PIP4K2B: variants seen among roughly 807,000 people sequenced by gnomAD.
PIP4K2B encodes phosphatidylinositol-5-phosphate 4-kinase type 2 beta, also known as phosphatidylinositol 5-phosphate 4-kinase type-2 beta.
PIP4K2B carries 3 observed loss-of-function variants against 42.0 expected under a neutral mutation model. That is an observed-to-expected ratio of 0.07 (90% CI 0.03 to 0.18). The LOEUF (loss-of-function observed/expected upper bound fraction) is 0.18. PIP4K2B is among the 10% of genes least tolerant of loss of function. The pLI, the probability that PIP4K2B is intolerant of heterozygous loss-of-function variation, is 1.00. For synonymous variants in PIP4K2B, 204 were observed against 210.1 expected, an observed-to-expected ratio of 0.97 and a Z score of 0.25; for missense variants, 332 against 562.3, an observed-to-expected ratio of 0.59 and a Z score of 4.14.
At chr17:38,780,431 C>T in intron 4 of PIP4K2B, 21 bp downstream of exon 4, 1 of 1,588,442 alleles carries the variant, frequency 6.3e-7, no homozygotes, top group Non-Finnish European at 8.6e-7. Context: ...CTCTGCAGCC[C>T]AGGCTTGGGA....
In PIP4K2B at chr17:38,786,828, G is replaced by A; in HGVS notation, c.252C>T (p.Phe84=). ...YSKIKVDNHL[F]NKENLPSRFK... is the part of the protein sequence containing the mutation. ...CCACTCAGTAGACAACTTACTTATTGAAGAGATGATTGTCCACCTTGATCT... is the reference window on the plus strand; with the variant it reads ...CCACTCAGTAGACAACTTACTTATTAAAGAGATGATTGTCCACCTTGATCT... The change falls in exon 2 of 10, where the codon TTC becomes TTT. Residue 84 remains phenylalanine (F), a synonymous_variant. Coordinates refer to ENST00000619039, the MANE Select transcript of PIP4K2B (RefSeq NM_003559.5). The A allele has an allele frequency of 1.3e-6, 2 of 1,599,548 alleles. No individual in the cohort carries two copies. Among genetic ancestry groups the A allele is most frequent in the Non-Finnish European group, 1.7e-6 (2 of 1,166,736 alleles).
At chr17:38,784,204 C>T (rs369873641) in intron 3 of PIP4K2B, 39 bp downstream of exon 3, 6 of 1,239,684 alleles carry the variant, frequency 4.8e-6, no homozygotes, top group Non-Finnish European at 7.1e-6. Flanking sequence ...GACCCCATTC[C>T]ATTCCCTAAT....
intron 3 of PIP4K2B, among the ~76,000 whole-genome samples, chr17:38,781,997 A>C (rs1446114213): frequency 1.3e-5 from 2 of 152,108 alleles, no homozygotes; most frequent in African/African-American, 4.8e-5. Context: ...CCTACTCTTT[A>C]CTTTCCCCTA....
intron 4 of PIP4K2B, chr17:38,779,888 G>A (rs921077745): frequency 1.6e-5 from 4 of 245,268 alleles, no homozygotes; most frequent in South Asian, 1.1e-4. Flanking sequence ...TGGGAATGCC[G>A]CAGGGAAGAG....
chr17:38,781,162 A>T (rs778518945), intron 3 of PIP4K2B, among the ~76,000 whole-genome samples: 1 of 151,846 alleles, frequency 6.6e-6, no homozygotes, highest in African/African-American at 2.4e-5. Flanking sequence ...ACCTTCCCCA[A>T]AGCAGGAAGC....
chr17:38,790,089 A>G (rs1039655778), intron 1 of PIP4K2B, among the ~76,000 whole-genome samples: 9 of 152,306 alleles, frequency 5.9e-5, no homozygotes, highest in African/African-American at 2.2e-4. Flanking sequence ...AAATACGCAC[A>G]CTTAATATAC....
rs1425051755 is a variant in PIP4K2B, at chr17:38,766,070, G to GA, written c.*3620dup. The GA allele has an allele frequency of 6.6e-6, 1 of 152,586 alleles. No individual in the cohort carries two copies. The highest frequency in any genetic ancestry group is 1.5e-5 in the Non-Finnish European group (1 of 68,060). 9.5% of individuals were successfully genotyped at this position (152,586 alleles called of 1,614,324 possible). A position where few individuals can be genotyped will look rare whatever the true frequency, so the allele number is the denominator to read the frequency against. ...GCTCCTGTGGAAACTTCTGCCCTGGGATACTGGCACAAGCTGCCAAGGGAC... is the reference window on the plus strand; with the variant it reads ...GCTCCTGTGGAAACTTCTGCCCTGGGAATACTGGCACAAGCTGCCAAGGGAC... On this transcript the variant is annotated 3_prime_UTR_variant, in exon 10 of 10. Transcript: ENST00000619039.
At chr17:38,775,174 C>T (rs1349765659) in intron 7 of PIP4K2B, among the ~76,000 whole-genome samples, 3 of 152,064 alleles carry the variant, frequency 2.0e-5, no homozygotes, top group Admixed American at 6.6e-5. Context: ...AGGATGGTCT[C>T]GATCTCCTGA....
chr17:38,797,969 C>T (rs759117483), intron 1 of PIP4K2B, among the ~76,000 whole-genome samples: 3 of 152,054 alleles, frequency 2.0e-5, no homozygotes, highest in Non-Finnish European at 2.9e-5. Context: ...AGTAACCTGC[C>T]CAAGACCAAG....
intron 1 of PIP4K2B, among the ~76,000 whole-genome samples, chr17:38,789,630 CT>C (rs1910238430): frequency 6.6e-6 from 1 of 152,074 alleles, no homozygotes; most frequent in African/African-American, 2.4e-5. Flanking sequence ...TGTTACAAAC[CT>C]TTTTTATTTA....
intron 1 of PIP4K2B, among the ~76,000 whole-genome samples, chr17:38,798,583 A>G (rs1910772521): frequency 6.6e-6 from 1 of 152,210 alleles, no homozygotes; most frequent in Non-Finnish European, 1.5e-5. Flanking sequence ...TATTTCTACT[A>G]TGAATAGTCC....
At chr17:38,770,624 C>T in intron 8 of PIP4K2B, 85 bp from the exon 9 acceptor site, 1 of 784,838 alleles carries the variant, frequency 1.3e-6, no homozygotes, top group Non-Finnish European at 2.3e-6. Flanking sequence ...AACCCCCAGA[C>T]ACAAGGCTCA....
intron 7 of PIP4K2B, 71 bp downstream of exon 7, chr17:38,777,616 T>C: frequency 1.0e-6 from 1 of 996,286 alleles, no homozygotes; most frequent in African/African-American, 1.6e-5. Flanking sequence ...TCCATTCTTC[T>C]TAAGGTTTAA....
chr17:38,770,802 G>A (rs620110), intron 8 of PIP4K2B, among the ~76,000 whole-genome samples: 22,734 of 151,988 alleles, frequency 0.15, 1,905 homozygotes, highest in East Asian at 0.26. Context: ...TCTTCAGTCA[G>A]CCAGGACAAG....
intron 7 of PIP4K2B, among the ~76,000 whole-genome samples, chr17:38,774,334 C>T (rs112462922): frequency 2.6e-5 from 4 of 152,280 alleles, no homozygotes; most frequent in African/African-American, 4.8e-5. Flanking sequence ...GGTGACCCTC[C>T]GGTGAGGAAG....
At chr17:38,786,356 G>A (rs1213716864) in intron 2 of PIP4K2B, among the ~76,000 whole-genome samples, 1 of 152,220 alleles carries the variant, frequency 6.6e-6, no homozygotes, top group Non-Finnish European at 1.5e-5. Context: ...AAAATGGGAA[G>A]TGCTACTCTG....
At chr17:38,779,800 T>C (rs1021346386) in intron 4 of PIP4K2B, 4 of 415,342 alleles carry the variant, frequency 9.6e-6, no homozygotes, top group African/African-American at 7.9e-5. Flanking sequence ...GTATCTCACC[T>C]AAGATTTTGT....
intron 6 of PIP4K2B, among the ~76,000 whole-genome samples, chr17:38,778,016 A>G (rs557345576): frequency 2.0e-4 from 30 of 152,184 alleles, no homozygotes; most frequent in South Asian, 8.3e-4. Context: ...TGACTAAAGG[A>G]TTCTTTCCTG....
chr17:38,785,497 T>C (rs1877895195), intron 2 of PIP4K2B, among the ~76,000 whole-genome samples: 1 of 152,070 alleles, frequency 6.6e-6, no homozygotes, highest in South Asian at 2.1e-4. Context: ...GCCAACATGG[T>C]GAAACCCCAT....
Sources: allele counts gnomAD v4.1 joint callset (sites outside exome capture counted in the v4.1 genomes callset), GRCh38; gene constraint gnomAD v4.1.1; transcripts MANE v1.5; gene names NCBI Gene and HGNC (gene_info 2026-07-23, HGNC 2026-07-21).